Variants in EPS15 observed in about 807,000 individuals in gnomAD.
EPS15 encodes the protein epidermal growth factor receptor substrate 15.
Under a neutral mutation model 113.8 loss-of-function variants are expected in EPS15, and 72 were observed. The observed-to-expected ratio is 0.63, with a 90% CI of 0.52 to 0.77. The LOEUF is 0.77. Among genes scored for constraint, EPS15 ranks in the 30% least tolerant of loss-of-function variants. EPS15 has a pLI of 0.00. For missense variants in EPS15, 1,048 were observed against 1,045.8 expected, an observed-to-expected ratio of 1.00 and a Z score of -0.03; for synonymous variants, 344 against 363.4, an observed-to-expected ratio of 0.95 and a Z score of 0.61.
chr1:51,388,234 G>T (rs1034472099), intron 21 of EPS15, among the ~76,000 whole-genome samples: 2 of 152,146 alleles, frequency 1.3e-5, no homozygotes, highest in African/African-American at 4.8e-5. Flanking sequence ...GGTACATAAC[G>T]AAATGAAGGC....
intron 21 of EPS15, among the ~76,000 whole-genome samples, chr1:51,384,953 G>A (rs1241620053): frequency 6.6e-6 from 1 of 152,108 alleles, no homozygotes; most frequent in Non-Finnish European, 1.5e-5. Context: ...AACTCAAAAT[G>A]GATTAAATAC....
Position 51,406,042 on chromosome 1 carries a change from T to G in EPS15, c.1540A>C (p.Ser514Arg), listed in dbSNP as rs768681686. ...NHNSQLNWCS[S>R]PHSILVNGAT... ...CCGTTTACAAGAATGCTGTGTGGGC[T>G]ACTGCACCAATTTAACTGACTATTA... Residue 514 changes from serine (S) to arginine (R), a missense_variant, in exon 16 of 25, where the codon AGC becomes CGC. Coordinates refer to ENST00000371733, the MANE Select transcript of EPS15 (RefSeq NM_001981.3). 24 of 1,614,088 alleles carry G rather than the reference T, an allele frequency of 1.5e-5. No homozygotes were observed. The highest frequency in any genetic ancestry group is 2.7e-5 in the African/African-American group (2 of 74,946).
intron 1 of EPS15, among the ~76,000 whole-genome samples, chr1:51,518,099 T>G (rs1205780872): frequency 6.6e-6 from 1 of 152,102 alleles, no homozygotes; most frequent in African/African-American, 2.4e-5. Flanking sequence ...CCACCAGCTC[T>G]GGAGAGAACC....
chr1:51,460,949 G>GTT, intron 8 of EPS15, 142 bp downstream of exon 8: 1 of 569,130 alleles, frequency 1.8e-6, no homozygotes, highest in East Asian at 3.2e-5. Flanking sequence ...GTGAGACTCT[G>GTT]TCTCAAAAAG....
At chr1:51,395,266 T>A (rs1647814120) in intron 20 of EPS15, among the ~76,000 whole-genome samples, 1 of 152,172 alleles carries the variant, frequency 6.6e-6, no homozygotes, top group African/African-American at 2.4e-5. Context: ...ATAATTATAG[T>A]ACATCTATTA....
At chr1:51,495,191 C>G (rs957290411) in intron 1 of EPS15, among the ~76,000 whole-genome samples, 2 of 152,194 alleles carry the variant, frequency 1.3e-5, no homozygotes, top group African/African-American at 4.8e-5. Flanking sequence ...GTGACCCTGA[C>G]ACACCAGAAG....
intron 1 of EPS15, among the ~76,000 whole-genome samples, chr1:51,497,045 ATCT>A (rs1243818652): frequency 1.3e-5 from 2 of 152,226 alleles, no homozygotes; most frequent in Admixed American, 6.5e-5. Context: ...ATAACAAGAA[ATCT>A]TCTGCATTCT....
At chr1:51,459,025 TAA>T (rs1316920889) in intron 8 of EPS15, 2 of 152,174 alleles carry the variant, frequency 1.3e-5, no homozygotes, top group Non-Finnish European at 2.9e-5. Context: ...AAATTAAAAT[TAA>T]AAAGATTAGG....
chr1:51,428,714 C>A (rs1331277222), intron 12 of EPS15, among the ~76,000 whole-genome samples: 1 of 150,766 alleles, frequency 6.6e-6, no homozygotes, highest in Non-Finnish European at 1.5e-5. Flanking sequence ...GTAATCCCAG[C>A]TACTTGGGAG....
At chr1:51,507,923 T>C (rs1644526124) in intron 1 of EPS15, among the ~76,000 whole-genome samples, 1 of 151,090 alleles carries the variant, frequency 6.6e-6, no homozygotes, top group Non-Finnish European at 1.5e-5. Flanking sequence ...CACGCCTGTA[T>C]TTCCAGCACT....
At chr1:51,376,641 G>A (rs940797212) in intron 21 of EPS15, among the ~76,000 whole-genome samples, 1 of 152,088 alleles carries the variant, frequency 6.6e-6, no homozygotes, top group African/African-American at 2.4e-5. Context: ...TCCAGCCTGG[G>A]CAACAGAGGG....
chr1:51,409,444 T>G, intron 14 of EPS15, 91 bp downstream of exon 14: 1 of 1,244,534 alleles, frequency 8.0e-7, no homozygotes, highest in African/African-American at 1.5e-5. Flanking sequence ...ACCACCACCA[T>G]CAATAACAAA....
chr1:51,417,980 G>A (rs886504751), intron 13 of EPS15, among the ~76,000 whole-genome samples: 7 of 152,170 alleles, frequency 4.6e-5, no homozygotes, highest in African/African-American at 1.2e-4. Context: ...ATTGGTTTAG[G>A]AGGAAAGGCA....
At chr1:51,459,149 C>G in intron 8 of EPS15, 1 of 152,246 alleles carries the variant, frequency 6.6e-6, no homozygotes, top group Non-Finnish European at 1.5e-5. Flanking sequence ...TGAGGAAAAT[C>G]TAAGGAAGGG....
At chr1:51,361,081 T>C in intron 24 of EPS15, 90 bp downstream of exon 24, 1 of 970,974 alleles carries the variant, frequency 1.0e-6, no homozygotes, top group Non-Finnish European at 1.6e-6. Flanking sequence ...GTAAATTTAG[T>C]TAAAATGATG....
At chr1:51,369,116 T>C (rs555858329) in intron 21 of EPS15, among the ~76,000 whole-genome samples, 28 of 152,244 alleles carry the variant, frequency 1.8e-4, no homozygotes, top group Non-Finnish European at 2.9e-4. Context: ...TTGTGAAGCA[T>C]ATATTGTGAA....
At chr1:51,384,973 A>G (rs1483130834) in intron 21 of EPS15, among the ~76,000 whole-genome samples, 1 of 152,240 alleles carries the variant, frequency 6.6e-6, no homozygotes, top group African/African-American at 2.4e-5. Flanking sequence ...CCTAAATGTA[A>G]GAGCTAAAAC....
chr1:51,401,366 C>T (rs1304351075), intron 18 of EPS15, among the ~76,000 whole-genome samples: 2 of 151,968 alleles, frequency 1.3e-5, no homozygotes, highest in Non-Finnish European at 2.9e-5. Context: ...ATCAAGAACA[C>T]AAAATGGAGA....
chr1:51,480,417 T>C (rs1190251746), intron 2 of EPS15, among the ~76,000 whole-genome samples: 1 of 152,234 alleles, frequency 6.6e-6, no homozygotes, highest in African/African-American at 2.4e-5. Context: ...TAATAGAAAC[T>C]GATAGCGATG....
Sources: allele counts gnomAD v4.1 joint callset (sites outside exome capture counted in the v4.1 genomes callset), GRCh38; gene constraint gnomAD v4.1.1; transcripts MANE v1.5; gene names NCBI Gene and HGNC (gene_info 2026-07-23, HGNC 2026-07-21).